The following TMEM248 variants were observed in gnomAD, a reference collection of about 807,000 sequenced individuals.
TMEM248 encodes UPF0458 protein C7orf42.
A neutral mutation model predicts 30.3 loss-of-function variants in TMEM248; 9 were observed. That is an observed-to-expected ratio of 0.30 (90% CI 0.18 to 0.52). The LOEUF (loss-of-function observed/expected upper bound fraction) is 0.52. Ranked by LOEUF, TMEM248 falls within the 20% of genes least tolerant of loss-of-function variation. The pLI, the probability that TMEM248 is intolerant of heterozygous loss-of-function variation, is 0.97. For missense variants in TMEM248, 338 were observed against 403.3 expected (o/e 0.84, Z 1.39); for synonymous variants, 184 against 154.4 (o/e 1.19, Z -1.42).
intron 2 of TMEM248, among the ~76,000 whole-genome samples, chr7:66,942,297 A>G (rs1026236171): frequency 1.3e-4 from 20 of 152,352 alleles, no homozygotes; most frequent in African/African-American, 4.6e-4. Context: ...TTGTAAAATG[A>G]TCTGTGTCAA....
rs61636398 is a variant in TMEM248, at chr7:66,932,225, TG to T, written c.-18-9622del. 2.1e-3 allele frequency among the ~76,000 whole-genome samples: 294 copies of T among 141,896 alleles called. 1 individual carries two copies. The highest frequency in any genetic ancestry group is 8.7e-3 in the African/African-American group (278 of 31,774). 93.1% of individuals were successfully genotyped at this position (141,896 alleles called of 152,430 possible). A position where few individuals can be genotyped will look rare whatever the true frequency, so the allele number is the denominator to read the frequency against. On this transcript the variant is annotated intron_variant, in intron 1 of 6. Transcript: ENST00000341567. Reference sequence around the variant, plus strand: ...TTCCTTTTGCACCAACACAATTAACTGTGTTTTTGTTAACTCATGTAATAAA... The same window carrying T: ...TTCCTTTTGCACCAACACAATTAACTTGTTTTTGTTAACTCATGTAATAAA...
chr7:66,932,967 T>C (rs962548094), intron 1 of TMEM248, among the ~76,000 whole-genome samples: 2 of 151,838 alleles, frequency 1.3e-5, no homozygotes, highest in Non-Finnish European at 2.9e-5. Context: ...TTCAAGCAAT[T>C]TGTGCCTCAG....
intron 1 of TMEM248, among the ~76,000 whole-genome samples, chr7:66,926,737 A>T (rs1181516326): frequency 6.6e-6 from 1 of 150,990 alleles, no homozygotes; most frequent in African/African-American, 2.4e-5. Flanking sequence ...AGGTTTTAGC[A>T]AATTGAATTT....
At chr7:66,949,608 A>AACAG (rs10625195) in intron 4 of TMEM248, among the ~76,000 whole-genome samples, 30 of 151,668 alleles carry the variant, frequency 2.0e-4, no homozygotes, top group African/African-American at 6.8e-4. Context: ...TTTTCTGTTA[A>AACAG]TTAACTAATT....
At position 66,921,453 on chromosome 7, in the gene TMEM248, C is replaced by CGGGGCGGGGTGAGCCGGGGCTGG. The variant is rs1791382585; in HGVS notation, c.-26_-19+15dup. Reference sequence around the variant, plus strand: ...GGGCCCGGGGCGCGCAGCTGCCCGCCGGGGCGGGGTGAGCCGGGGCTGGAG... The same window carrying CGGGGCGGGGTGAGCCGGGGCTGG: ...GGGCCCGGGGCGCGCAGCTGCCCGCCGGGGCGGGGTGAGCCGGGGCTGGGGGGCGGGGTGAGCCGGGGCTGGAG... On this transcript the variant is annotated 5_prime_UTR_variant, in exon 1 of 7. Coordinates refer to ENST00000341567, the MANE Select transcript of TMEM248 (RefSeq NM_017994.5). 1 of 150,418 alleles carries CGGGGCGGGGTGAGCCGGGGCTGG rather than the reference C, an allele frequency of 6.6e-6. No homozygotes were observed. Among genetic ancestry groups the CGGGGCGGGGTGAGCCGGGGCTGG allele is most frequent in the Non-Finnish European group, 1.5e-5 (1 of 67,520 alleles). The allele number at this position is 150,418 out of a possible 1,614,324, so 9.3% of individuals were successfully genotyped here.
At chr7:66,929,487 A>G (rs1192348617) in intron 1 of TMEM248, among the ~76,000 whole-genome samples, 1 of 123,330 alleles carries the variant, frequency 8.1e-6, no homozygotes, top group Non-Finnish European at 1.6e-5. Flanking sequence ...CCCAGGCTGG[A>G]GTTCAGTGGC....
chr7:66,945,377 C>G (rs1792071947), intron 3 of TMEM248, 116 bp downstream of exon 3: 1 of 1,177,102 alleles, frequency 8.5e-7, no homozygotes, highest in South Asian at 1.5e-5. Flanking sequence ...TTGCGCGTGT[C>G]TTTTTTTTGT....
At chr7:66,947,184 C>T (rs184985468) in intron 3 of TMEM248, among the ~76,000 whole-genome samples, 2 of 137,622 alleles carry the variant, frequency 1.5e-5, no homozygotes, top group South Asian at 2.3e-4. Context: ...CACTGTACTC[C>T]AGCCTGGGCA....
intron 1 of TMEM248, among the ~76,000 whole-genome samples, chr7:66,923,018 A>G (rs1461728218): frequency 6.6e-6 from 1 of 152,106 alleles, no homozygotes; most frequent in Admixed American, 6.6e-5. Context: ...AAGTGCGAAT[A>G]TATTAATAGT....
chr7:66,936,086 G>T (rs747330896), intron 1 of TMEM248, among the ~76,000 whole-genome samples: 10 of 152,012 alleles, frequency 6.6e-5, no homozygotes, highest in Non-Finnish European at 1.2e-4. Context: ...AGGACTTCTA[G>T]TACTCTGTTG....
At chr7:66,952,531 A>G (rs1792293054) in intron 5 of TMEM248, among the ~76,000 whole-genome samples, 1 of 152,122 alleles carries the variant, frequency 6.6e-6, no homozygotes, top group African/African-American at 2.4e-5. Flanking sequence ...TGTTGAGAAG[A>G]CTGAGCTGCC....
chr7:66,925,808 A>G (rs1478505191), intron 1 of TMEM248, among the ~76,000 whole-genome samples: 1 of 151,170 alleles, frequency 6.6e-6, no homozygotes, highest in Non-Finnish European at 1.5e-5. Context: ...CGCCACGCTA[A>G]TTTTTTGTAT....
chr7:66,936,408 C>T (rs1269387824), intron 1 of TMEM248, among the ~76,000 whole-genome samples: 2 of 152,158 alleles, frequency 1.3e-5, no homozygotes, highest in Admixed American at 1.3e-4. Flanking sequence ...GGATAAATCC[C>T]ACTTGGTCAT....
chr7:66,939,306 C>G (rs1441918060), intron 1 of TMEM248, among the ~76,000 whole-genome samples: 1 of 152,164 alleles, frequency 6.6e-6, no homozygotes. Flanking sequence ...GTGGGTGAAA[C>G]AGTAACAGGA....
intron 2 of TMEM248, 97 bp from the exon 3 acceptor site, chr7:66,944,879 A>C: frequency 1.5e-6 from 2 of 1,293,290 alleles, no homozygotes; most frequent in Non-Finnish European, 2.2e-6. Flanking sequence ...TAGTTTGCTG[A>C]TGTGCTGCGG....
intron 4 of TMEM248, among the ~76,000 whole-genome samples, chr7:66,949,915 G>A (rs1792217915): frequency 6.6e-6 from 1 of 151,882 alleles, no homozygotes; most frequent in Admixed American, 6.6e-5. Context: ...ATAATTCTAT[G>A]GTGAATCCTT....
intron 1 of TMEM248, among the ~76,000 whole-genome samples, chr7:66,940,955 T>C (rs1210186811): frequency 6.6e-6 from 1 of 152,190 alleles, no homozygotes; most frequent in Admixed American, 6.5e-5. Flanking sequence ...TTATAGAATA[T>C]TTAGAAGATT....
At chr7:66,927,563 C>G (rs1411453421) in intron 1 of TMEM248, among the ~76,000 whole-genome samples, 2 of 151,646 alleles carry the variant, frequency 1.3e-5, no homozygotes, top group African/African-American at 4.8e-5. Context: ...GCCTTGCCCT[C>G]CCAATTAGCT....
Position 66,942,030 on chromosome 7 carries a change from G to A in TMEM248, c.159+6G>A, listed in dbSNP as rs952095537. ...AATCCCCAGAAATGGCAGAGGTATA[G>A]TATGCTCTGACTTCTCCCGGGCTGG... is the stretch of plus-strand genomic sequence containing the variant. On this transcript the variant is annotated splice_donor_region_variant and intron_variant, in intron 2 of 6. Coordinates refer to ENST00000341567, the MANE Select transcript of TMEM248 (RefSeq NM_017994.5). 1.9e-6 allele frequency: 3 copies of A among 1,613,382 alleles called. No individual in the cohort carries two copies. The highest frequency in any genetic ancestry group is 2.5e-6 in the Non-Finnish European group (3 of 1,179,520).
Sources: gnomAD v4.1 joint callset for allele counts (sites outside exome capture counted in the v4.1 genomes callset) on GRCh38, gnomAD v4.1.1 for gene constraint, MANE v1.5 for transcripts, NCBI Gene and HGNC (gene_info 2026-07-23, HGNC 2026-07-21) for gene names.